CNNM2: variants seen among roughly 807,000 people sequenced by gnomAD.
The protein encoded by CNNM2 is metal transporter CNNM2.
A neutral mutation model predicts 66.9 loss-of-function variants in CNNM2; 12 were observed. The observed-to-expected ratio is 0.18, with a 90% confidence interval of 0.11 to 0.29. CNNM2 has a LOEUF of 0.29. Among genes scored for constraint, CNNM2 ranks in the 10% least tolerant of loss-of-function variants. CNNM2 has a pLI of 1.00. For missense variants in CNNM2, 705 were observed against 1,167.7 expected (o/e 0.60, Z 5.77); for synonymous variants, 557 against 501.8 (o/e 1.11, Z -1.47).
At chr10:103,009,313 TTC>T (rs2064291148) in intron 1 of CNNM2, among the ~76,000 whole-genome samples, 1 of 152,146 alleles carries the variant, frequency 6.6e-6, no homozygotes, top group Non-Finnish European at 1.5e-5. Flanking sequence ...ATACAAATTA[TTC>T]TCTGTAAGAG....
At position 102,944,581 on chromosome 10, in the gene CNNM2, C is replaced by CGTGTGTGTGTGT. The variant is rs148795286; in HGVS notation, c.1621+24505_1621+24516dup. 2.9e-3 allele frequency among the ~76,000 whole-genome samples: 422 copies of CGTGTGTGTGTGT among 143,480 alleles called. 3 individuals are homozygous for CGTGTGTGTGTGT. Among genetic ancestry groups the CGTGTGTGTGTGT allele is most frequent in the Non-Finnish European group, 4.1e-3 (270 of 66,152 alleles). 94.1% of individuals were successfully genotyped at this position (143,480 alleles called of 152,430 possible). ...ATATTTTGCCATATTTGTATCTTTT[C>CGTGTGTGTGTGT]GTGTGTGTGTGTGTGTGTGTGTGTG... On this transcript the variant is annotated intron_variant, in intron 1 of 7. Coordinates refer to ENST00000369878, the MANE Select transcript of CNNM2 (RefSeq NM_017649.5).
intron 6 of CNNM2, among the ~76,000 whole-genome samples, chr10:103,075,838 G>T (rs975080722): frequency 2.0e-5 from 3 of 152,276 alleles, no homozygotes; most frequent in Middle Eastern, 3.4e-3. Flanking sequence ...TGCTGTTAGA[G>T]ACTTGGGAGG....
intron 1 of CNNM2, among the ~76,000 whole-genome samples, chr10:102,945,366 A>G (rs1005070851): frequency 5.3e-5 from 8 of 152,138 alleles, no homozygotes; most frequent in Non-Finnish European, 7.4e-5. Flanking sequence ...ATCTAGTGCT[A>G]TTTCCAGCTG....
At chr10:103,010,733 G>A (rs1041807476) in intron 1 of CNNM2, among the ~76,000 whole-genome samples, 5 of 151,602 alleles carry the variant, frequency 3.3e-5, no homozygotes, top group African/African-American at 9.7e-5. Context: ...CTGCCTCAGC[G>A]TCCGGAGTAG....
intron 1 of CNNM2, among the ~76,000 whole-genome samples, chr10:102,956,672 G>T (rs866619216): frequency 1.3e-5 from 2 of 152,252 alleles, no homozygotes; most frequent in Middle Eastern, 3.4e-3. Context: ...CCTTTGCAGG[G>T]ACGTGGATGA....
At chr10:102,952,144 A>C (rs953494552) in intron 1 of CNNM2, among the ~76,000 whole-genome samples, 3 of 151,144 alleles carry the variant, frequency 2.0e-5, no homozygotes, top group Non-Finnish European at 4.4e-5. Flanking sequence ...CTTTGCTATA[A>C]TGTCCAGGCT....
intron 4 of CNNM2, among the ~76,000 whole-genome samples, chr10:103,064,768 A>T (rs906209846): frequency 6.6e-6 from 1 of 152,176 alleles, no homozygotes; most frequent in East Asian, 1.9e-4. Flanking sequence ...TGAGCTCAGG[A>T]GTTCAAGGCT....
At chr10:103,003,457 G>A (rs1485804431) in intron 1 of CNNM2, among the ~76,000 whole-genome samples, 1 of 152,100 alleles carries the variant, frequency 6.6e-6, no homozygotes. Context: ...ATTATAACGT[G>A]TATACAGAAA....
intron 1 of CNNM2, among the ~76,000 whole-genome samples, chr10:102,956,237 G>A (rs1301240681): frequency 2.2e-5 from 3 of 134,684 alleles, no homozygotes; most frequent in African/African-American, 5.6e-5. Flanking sequence ...GCAGTGAGCT[G>A]AAATCGCGCC....
intron 1 of CNNM2, among the ~76,000 whole-genome samples, chr10:102,960,860 A>G (rs531665436): frequency 7.7e-6 from 1 of 129,952 alleles, no homozygotes; most frequent in Admixed American, 9.0e-5. Context: ...ATCTTGGCTT[A>G]CTACAACCTC....
At chr10:102,949,091 T>C (rs1229510860) in intron 1 of CNNM2, among the ~76,000 whole-genome samples, 1 of 152,192 alleles carries the variant, frequency 6.6e-6, no homozygotes, top group Non-Finnish European at 1.5e-5. Context: ...CCAACTACAG[T>C]GTCCAGCTCT....
chr10:103,069,734 G>A (rs1303490861), intron 5 of CNNM2, among the ~76,000 whole-genome samples: 3 of 152,332 alleles, frequency 2.0e-5, no homozygotes, highest in African/African-American at 7.2e-5. Context: ...GAGCGCACAC[G>A]CTTGCTATTA....
chr10:102,955,734 C>T (rs1455304362), intron 1 of CNNM2, among the ~76,000 whole-genome samples: 4 of 152,044 alleles, frequency 2.6e-5, no homozygotes, highest in South Asian at 2.1e-4. Flanking sequence ...AGACACTTCT[C>T]AAAAGAAGAC....
rs66498944 is a variant in CNNM2, at chr10:102,976,611, A to ATTTTTT, written c.1621+56533_1621+56538dup. On this transcript the variant is annotated intron_variant, in intron 1 of 7. Transcript: ENST00000369878. ...CAGGTGTGCGCCACACGCCCAGGTA[A>ATTTTTT]TTTTTTTTTTTTTTTTTTTTTTTTT... Among the ~76,000 whole-genome samples, 1,861 of 59,172 alleles carry ATTTTTT rather than the reference A, an allele frequency of 0.031. 146 individuals carry two copies. Among genetic ancestry groups the ATTTTTT allele is most frequent in the Middle Eastern group, 0.044 (3 of 68 alleles). The allele number at this position is 59,172 out of a possible 152,430, so 38.8% of individuals were successfully genotyped here. A position where few individuals can be genotyped will look rare whatever the true frequency, so the allele number is the denominator to read the frequency against.
chr10:103,074,318 C>G (rs2065652448), intron 6 of CNNM2, among the ~76,000 whole-genome samples: 1 of 152,036 alleles, frequency 6.6e-6, no homozygotes, highest in Non-Finnish European at 1.5e-5. Flanking sequence ...GTACCCGGTA[C>G]CATCATCCAC....
At chr10:103,013,915 A>G (rs889475393) in intron 1 of CNNM2, among the ~76,000 whole-genome samples, 14 of 152,320 alleles carry the variant, frequency 9.2e-5, no homozygotes, top group African/African-American at 3.1e-4. Context: ...TTCTAGATCT[A>G]GGGTCAAGAT....
intron 1 of CNNM2, among the ~76,000 whole-genome samples, chr10:102,940,073 G>A (rs1160747408): frequency 6.6e-6 from 1 of 152,036 alleles, no homozygotes; most frequent in African/African-American, 2.4e-5. Context: ...GTAACTTGAA[G>A]TACATATGAA....
intron 1 of CNNM2, among the ~76,000 whole-genome samples, chr10:103,024,413 TAA>T (rs571668793): frequency 5.6e-4 from 85 of 152,304 alleles, no homozygotes; most frequent in Admixed American, 4.6e-3. Flanking sequence ...GTCTAAGCAA[TAA>T]AGTCATTTTG....
At chr10:102,952,645 A>G (rs2134193311) in intron 1 of CNNM2, among the ~76,000 whole-genome samples, 1 of 152,054 alleles carries the variant, frequency 6.6e-6, no homozygotes, top group East Asian at 1.9e-4. Context: ...AAAAAGTTAA[A>G]TGGATACCCT....
Sources: gnomAD v4.1 joint callset for allele counts (sites outside exome capture counted in the v4.1 genomes callset) on GRCh38, gnomAD v4.1.1 for gene constraint, MANE v1.5 for transcripts, NCBI Gene and HGNC (gene_info 2026-07-23, HGNC 2026-07-21) for gene names.